Variants in MROH2B observed in about 807,000 individuals in gnomAD.
The protein encoded by MROH2B is maestro heat like repeat family member 2B, also known as maestro heat-like repeat-containing protein family member 2B.
Under a neutral mutation model 208.6 loss-of-function variants are expected in MROH2B, and 177 were observed. The observed-to-expected ratio is 0.85, with a 90% CI of 0.75 to 0.96. The LOEUF is 0.96. MROH2B is among the 40% of genes least tolerant of loss of function. The pLI, the probability that MROH2B is intolerant of heterozygous loss-of-function variation, is 0.00. For synonymous variants in MROH2B, 728 were observed against 659.0 expected, an observed-to-expected ratio of 1.10 and a Z score of -1.60; for missense variants, 2,002 against 1,878.7, an observed-to-expected ratio of 1.07 and a Z score of -1.21.
chr5:41,042,740 G>A (rs142982719), intron 18 of MROH2B, among the ~76,000 whole-genome samples: 7,550 of 152,194 alleles, frequency 0.05, 215 homozygotes, highest in Middle Eastern at 0.071. Context: ...GAGTAGCTGG[G>A]ATTACAGGTG....
At chr5:41,031,092 G>A (rs906659971) in intron 24 of MROH2B, among the ~76,000 whole-genome samples, 11 of 152,086 alleles carry the variant, frequency 7.2e-5, no homozygotes, top group South Asian at 2.1e-4. Context: ...ATGTATTAGC[G>A]CATTTTCACA....
intron 21 of MROH2B, among the ~76,000 whole-genome samples, chr5:41,037,499 T>C (rs1035673666): frequency 2.0e-5 from 3 of 152,186 alleles, no homozygotes; most frequent in African/African-American, 4.8e-5. Flanking sequence ...GCAATTCTTA[T>C]GCAACTAAGG....
intron 33 of MROH2B, 148 bp downstream of exon 33, chr5:41,008,458 C>A: frequency 1.2e-6 from 1 of 821,156 alleles, no homozygotes; most frequent in Non-Finnish European, 1.9e-6. Context: ...GGTGTCACGG[C>A]TTAGGGAGAG....
chr5:41,033,192 G>A (rs772739329), intron 22 of MROH2B, 32 bp from the exon 23 acceptor site: 38 of 1,609,024 alleles, frequency 2.4e-5, no homozygotes, highest in Non-Finnish European at 3.1e-5. Context: ...TGCAAGTCAA[G>A]GTCTAAGACA....
chr5:41,002,822 A>G (rs746249666), intron 37 of MROH2B, among the ~76,000 whole-genome samples: 1 of 152,186 alleles, frequency 6.6e-6, no homozygotes, highest in Non-Finnish European at 1.5e-5. Context: ...GAGAATTATT[A>G]TTGGATCAAC....
At chr5:41,058,868 G>A (rs529061369) in intron 6 of MROH2B, among the ~76,000 whole-genome samples, 1 of 151,598 alleles carries the variant, frequency 6.6e-6, no homozygotes, top group East Asian at 2.0e-4. Flanking sequence ...CCAACATGGT[G>A]AAATCCCCGT....
rs1330208672 is a variant in MROH2B at position 41,012,786 on chromosome 5, C to G, written c.2983-51G>C. ...TGTAATCAACCACCCCATTTTATATCTAGATACTTACAACATGCTGTTGTG... is the reference window on the plus strand; with the variant it reads ...TGTAATCAACCACCCCATTTTATATGTAGATACTTACAACATGCTGTTGTG... On this transcript the variant is annotated intron_variant, in intron 29 of 41. Coordinates refer to ENST00000399564, the MANE Select transcript of MROH2B (RefSeq NM_173489.5). 4 of 1,602,140 alleles carry G rather than the reference C, an allele frequency of 2.5e-6. No individual in the cohort carries two copies. The East Asian group carries it at 6.7e-5, about 27-fold the overall frequency.
At chr5:41,040,960 C>T (rs113171403) in intron 19 of MROH2B, among the ~76,000 whole-genome samples, 1,685 of 152,120 alleles carry the variant, frequency 0.011, 12 homozygotes, top group Non-Finnish European at 0.018. Context: ...CCACTGTGCC[C>T]GGCCATGATT....
intron 7 of MROH2B, 139 bp from the exon 8 acceptor site, chr5:41,057,499 T>C (rs1428255061): frequency 6.4e-6 from 4 of 625,220 alleles, no homozygotes; most frequent in Admixed American, 5.8e-5. Flanking sequence ...TGAATGATTC[T>C]GGCCCCTTCC....
intron 37 of MROH2B, among the ~76,000 whole-genome samples, chr5:41,001,778 C>T (rs1741406814): frequency 6.6e-6 from 1 of 151,734 alleles, no homozygotes; most frequent in South Asian, 2.1e-4. Context: ...AGATGGCCTC[C>T]TATTACCTCA....
chr5:41,009,359 C>T lies in MROH2B; in HGVS notation c.3341G>A (p.Ser1114Asn). ...WKALAEKPAS[S>N]GKLLQALIDK... ...TATTAAGGCTTGCAAGAGTTTCCCA[C>T]TGGAGGCTGGCTTTTCAGCCAGCGC... Residue 1114 changes from serine to asparagine, a missense_variant, in exon 32 of 42, where the codon AGT becomes AAT. By Grantham distance (46) the Ser-to-Asn change is conservative (BLOSUM62 1). Transcript: ENST00000399564. 6.2e-7 allele frequency: 1 copy of T among 1,613,942 alleles called. No homozygotes were observed. The highest frequency in any genetic ancestry group is 8.5e-7 in the Non-Finnish European group (1 of 1,179,826).
chr5:41,012,498 A>C, intron 30 of MROH2B, 85 bp downstream of exon 30: 2 of 1,419,272 alleles, frequency 1.4e-6, no homozygotes, highest in Non-Finnish European at 9.5e-7. Flanking sequence ...GCTGCCCATC[A>C]GTGGACAAAC....
chr5:41,008,657 C>T lies in MROH2B; in HGVS notation c.3557G>A (p.Arg1186Lys). The T allele has an allele frequency of 1.9e-6, 3 of 1,613,940 alleles. No homozygotes were observed. Among genetic ancestry groups the T allele is most frequent in the Non-Finnish European group, 2.5e-6 (3 of 1,179,858 alleles). The change falls in exon 33 of 42, where the codon AGG (arginine) becomes AAG (lysine). Residue 1186 changes from arginine to lysine, a missense_variant. Coordinates refer to ENST00000399564, the MANE Select transcript of MROH2B (RefSeq NM_173489.5). ...TTCTCCCTGCTGCATCACATGCCGCCTATGGCTCCAGGGACAAGTGAGCAT... is the reference window on the plus strand; with the variant it reads ...TTCTCCCTGCTGCATCACATGCCGCTTATGGCTCCAGGGACAAGTGAGCAT... Reference protein sequence around the residue: ...QKMLTCPWSHRRHVMQQGEQQ... With the variant: ...QKMLTCPWSHKRHVMQQGEQQ...
At chr5:41,039,304 T>G in intron 20 of MROH2B, 144 bp downstream of exon 20, 2 of 560,344 alleles carry the variant, frequency 3.6e-6, no homozygotes, top group South Asian at 5.9e-5. Flanking sequence ...AATCATCCTA[T>G]AAAGACTGGG....
chr5:41,051,262 C>A (rs554119984), intron 12 of MROH2B, among the ~76,000 whole-genome samples, 172 bp from the exon 13 acceptor site: 1 of 152,206 alleles, frequency 6.6e-6, no homozygotes, highest in South Asian at 2.1e-4. Flanking sequence ...TTTGAAAGGG[C>A]CCCTTGGAGG....
At chr5:41,057,454 C>T in intron 7 of MROH2B, 94 bp from the exon 8 acceptor site, 2 of 953,538 alleles carry the variant, frequency 2.1e-6, no homozygotes, top group South Asian at 1.6e-5. Flanking sequence ...GAGAGAAAAA[C>T]AAGCTTCTCA....
At chr5:41,047,676 T>C in intron 17 of MROH2B, 45 bp downstream of exon 17, 1 of 1,543,020 alleles carries the variant, frequency 6.5e-7, no homozygotes, top group Non-Finnish European at 8.8e-7. Flanking sequence ...CTTCAGCTGA[T>C]TTCATCATGC....
chr5:41,008,435 CAAG>C (rs1741662848), intron 33 of MROH2B, among the ~76,000 whole-genome samples, 168 bp downstream of exon 33: 1 of 152,084 alleles, frequency 6.6e-6, no homozygotes, highest in Admixed American at 6.5e-5. Flanking sequence ...GATACTGGCT[CAAG>C]AAGAACTATG....
At chr5:41,025,651 T>C (rs1190198915) in intron 24 of MROH2B, among the ~76,000 whole-genome samples, 10 of 151,778 alleles carry the variant, frequency 6.6e-5, no homozygotes, top group East Asian at 3.9e-4. Flanking sequence ...TTCCAATCAA[T>C]AGAAAAAGAG....
Sources: gnomAD v4.1 joint callset for allele counts (sites outside exome capture counted in the v4.1 genomes callset) on GRCh38, gnomAD v4.1.1 for gene constraint, MANE v1.5 for transcripts, NCBI Gene and HGNC (gene_info 2026-07-23, HGNC 2026-07-21) for gene names.